The following CADM2 variants were observed in gnomAD, a reference collection of about 807,000 sequenced individuals.
CADM2 encodes cell adhesion molecule 2.
CADM2 carries 12 observed loss-of-function variants against 49.8 expected under a neutral mutation model. That is an observed-to-expected ratio of 0.24 (90% CI 0.15 to 0.39). The LOEUF (loss-of-function observed/expected upper bound fraction) is 0.39, where lower values mean the gene tolerates loss of function less well. CADM2 is among the 10% of genes least tolerant of loss of function. The pLI is 1.00. For synonymous variants in CADM2, 214 were observed against 175.4 expected, an observed-to-expected ratio of 1.22 and a Z score of -1.74; for missense variants, 378 against 492.3, an observed-to-expected ratio of 0.77 and a Z score of 2.20.
intron 8 of CADM2, among the ~76,000 whole-genome samples, chr3:86,030,734 T>C (rs555463779): frequency 2.0e-5 from 3 of 152,034 alleles, no homozygotes; most frequent in Non-Finnish European, 4.4e-5. Context: ...ACTGTGAATC[T>C]AGCACAAGGT....
chr3:86,020,214 G>C (rs1406376519), intron 8 of CADM2, among the ~76,000 whole-genome samples: 4 of 151,824 alleles, frequency 2.6e-5, no homozygotes, highest in East Asian at 1.9e-4. Flanking sequence ...AACACCTCTA[G>C]GCAAATAAAC....
At chr3:85,424,692 G>A (rs1054523800) in intron 1 of CADM2, among the ~76,000 whole-genome samples, 10 of 152,138 alleles carry the variant, frequency 6.6e-5, no homozygotes, top group Non-Finnish European at 1.5e-4. Context: ...TGTAATTGCT[G>A]TTGTTCTCTT....
At position 86,068,758 on chromosome 3, in the gene CADM2, G is replaced by A. The variant is rs781297001; in HGVS notation, c.*1975G>A. 4 of 152,290 alleles carry A rather than the reference G, an allele frequency of 2.6e-5. No individual in the cohort carries two copies. Among genetic ancestry groups the A allele is most frequent in the Admixed American group, 2.0e-4 (3 of 15,250 alleles). The allele number at this position is 152,290 out of a possible 1,614,324, so 9.4% of individuals were successfully genotyped here. ...AACATAAATAATATGATGTGGTTGA[G>A]TGTTAACATAATAAATCATATACAG... is the stretch of plus-strand genomic sequence containing the variant. On this transcript the variant is annotated 3_prime_UTR_variant, in exon 10 of 10. Transcript: ENST00000383699.
chr3:85,883,467 T>G (rs745384960), intron 4 of CADM2, 24 bp downstream of exon 4: 1 of 1,575,116 alleles, frequency 6.3e-7, no homozygotes, highest in East Asian at 2.3e-5. Context: ...ACTAACACCA[T>G]GTAATCACAA....
intron 3 of CADM2, among the ~76,000 whole-genome samples, chr3:85,818,552 G>A (rs889207144): frequency 6.6e-6 from 1 of 152,160 alleles, no homozygotes; most frequent in Non-Finnish European, 1.5e-5. Context: ...TCTCTCAGTA[G>A]TTCAAATAGT....
At chr3:85,664,855 C>A (rs1179221847) in intron 1 of CADM2, among the ~76,000 whole-genome samples, 6 of 151,950 alleles carry the variant, frequency 3.9e-5, no homozygotes, top group Non-Finnish European at 5.9e-5. Context: ...CCCTGCCCCC[C>A]TTATGATATT....
intron 3 of CADM2, among the ~76,000 whole-genome samples, chr3:85,831,920 T>C (rs1190394542): frequency 6.6e-6 from 1 of 151,964 alleles, no homozygotes; most frequent in Non-Finnish European, 1.5e-5. Flanking sequence ...AGAATGGTGA[T>C]TCTTAGGTTT....
At chr3:85,475,400 A>G (rs2038936459) in intron 1 of CADM2, among the ~76,000 whole-genome samples, 1 of 151,966 alleles carries the variant, frequency 6.6e-6, no homozygotes. Context: ...AATATAAGAT[A>G]ATTCATTCCT....
intron 2 of CADM2, among the ~76,000 whole-genome samples, chr3:85,789,856 C>G (rs534532666): frequency 1.3e-5 from 2 of 152,074 alleles, no homozygotes; most frequent in East Asian, 3.9e-4. Context: ...TGCATTTTGG[C>G]AGGGTAATAA....
intron 3 of CADM2, among the ~76,000 whole-genome samples, chr3:85,827,465 C>A (rs2073971514): frequency 6.6e-6 from 1 of 151,634 alleles, no homozygotes; most frequent in African/African-American, 2.4e-5. Context: ...TCTTTAGTAT[C>A]AAATAACTTG....
chr3:85,096,439 A>G (rs1267895599), intron 1 of CADM2, among the ~76,000 whole-genome samples: 1 of 151,964 alleles, frequency 6.6e-6, no homozygotes, highest in Non-Finnish European at 1.5e-5. Flanking sequence ...ATGTCTGTCT[A>G]ATTAAATTTA....
intron 1 of CADM2, among the ~76,000 whole-genome samples, chr3:85,315,855 A>C (rs2044452557): frequency 6.6e-6 from 1 of 152,268 alleles, no homozygotes; most frequent in Non-Finnish European, 1.5e-5. Flanking sequence ...AAATTTTGAC[A>C]CAGTAATTCA....
At chr3:85,304,875 T>G (rs1430804450) in intron 1 of CADM2, among the ~76,000 whole-genome samples, 1 of 151,758 alleles carries the variant, frequency 6.6e-6, no homozygotes, top group African/African-American at 2.4e-5. Flanking sequence ...GTCTTTTACT[T>G]ATGACTCTCT....
intron 1 of CADM2, among the ~76,000 whole-genome samples, chr3:84,982,702 C>CATATGTATATATATATAT (rs1177661723): frequency 1.3e-5 from 1 of 76,328 alleles, no homozygotes; most frequent in Non-Finnish European, 2.4e-5. Flanking sequence ...AACTATAAAG[C>CATATGTATATATATATAT]ATATATATAT....
intron 1 of CADM2, among the ~76,000 whole-genome samples, chr3:85,044,604 C>A (rs1158378656): frequency 6.6e-6 from 1 of 152,096 alleles, no homozygotes; most frequent in Admixed American, 6.6e-5. Flanking sequence ...TCTGCCAAGT[C>A]TTTTCTGGGC....
At chr3:85,563,996 T>A (rs538476916) in intron 1 of CADM2, among the ~76,000 whole-genome samples, 1 of 152,302 alleles carries the variant, frequency 6.6e-6, no homozygotes, top group South Asian at 2.1e-4. Flanking sequence ...TGAATACCTT[T>A]AGCAACATTT....
At chr3:85,727,661 G>A (rs1290782500) in intron 2 of CADM2, among the ~76,000 whole-genome samples, 2 of 152,138 alleles carry the variant, frequency 1.3e-5, no homozygotes, top group Non-Finnish European at 2.9e-5. Flanking sequence ...GATGAGAAGT[G>A]TAGTTTTAGG....
At chr3:85,381,349 G>C (rs1029973175) in intron 1 of CADM2, among the ~76,000 whole-genome samples, 9 of 150,750 alleles carry the variant, frequency 6.0e-5, no homozygotes, top group African/African-American at 1.9e-4. Context: ...GTGGAATTTT[G>C]ACTTCTGATC....
At chr3:85,164,978 G>A (rs901278883) in intron 1 of CADM2, among the ~76,000 whole-genome samples, 102 of 152,004 alleles carry the variant, frequency 6.7e-4, no homozygotes, top group African/African-American at 2.3e-3. Flanking sequence ...GTGTGTGTGT[G>A]TGTGTGTTTC....
Sources: gnomAD v4.1 joint callset for allele counts (sites outside exome capture counted in the v4.1 genomes callset) on GRCh38, gnomAD v4.1.1 for gene constraint, MANE v1.5 for transcripts, NCBI Gene and HGNC (gene_info 2026-07-23, HGNC 2026-07-21) for gene names.